DLC1: variants seen among roughly 807,000 people sequenced by gnomAD.
DLC1 encodes the protein DLC1 Rho GTPase activating protein.
A neutral mutation model predicts 140.3 loss-of-function variants in DLC1; 54 were observed. The ratio of observed to expected loss-of-function variants is 0.38; its 90% CI spans 0.31 to 0.48. The LOEUF (loss-of-function observed/expected upper bound fraction) is 0.48. Among genes scored for constraint, DLC1 ranks in the 20% least tolerant of loss-of-function variants. The pLI is 0.96. For missense variants in DLC1, 2,536 were observed against 1,907.0 expected, an observed-to-expected ratio of 1.33 and a Z score of -6.14; for synonymous variants, 986 against 728.1, an observed-to-expected ratio of 1.35 and a Z score of -5.70.
rs183003409 is a variant in DLC1, at chr8:13,587,558, C to A, written c.-126+16979G>T. On this transcript the variant is annotated intron_variant, in intron 1 of 1. Coordinates refer to the DLC1 transcript ENST00000631382. ...AAATGTGACTATACACACACACACA[C>A]ACACACACACAGAGAGAGAGAAAAT... 1.8e-3 allele frequency among the ~76,000 whole-genome samples: 261 copies of A among 146,316 alleles called. 3 individuals carry two copies. The highest frequency in any genetic ancestry group is 6.1e-3 in the African/African-American group (245 of 40,048).
At chr8:13,564,595 T>C (rs181538705) in intron 1 of DLC1, among the ~76,000 whole-genome samples, 9 of 152,346 alleles carry the variant, frequency 5.9e-5, no homozygotes, top group Admixed American at 1.3e-4. Flanking sequence ...GTTTATGATA[T>C]CTGGGGGGAG....
intron 1 of DLC1, among the ~76,000 whole-genome samples, chr8:13,585,859 G>C (rs1805288179): frequency 6.6e-6 from 1 of 152,108 alleles, no homozygotes. Context: ...TAAACATCTT[G>C]TCTCCAAATA....
Position 13,457,162 on chromosome 8 carries a change from C to G in DLC1, c.1023+41887G>C, listed in dbSNP as rs764925841. Among the ~76,000 whole-genome samples the G allele has an allele frequency of 6.6e-4, 101 of 152,164 alleles. 1 individual carries two copies. Among genetic ancestry groups the G allele is most frequent in the Non-Finnish European group, 1.1e-3 (76 of 68,034 alleles). On this transcript the variant is annotated intron_variant, in intron 2 of 17. Coordinates refer to ENST00000276297, the MANE Select transcript of DLC1 (RefSeq NM_182643.3). Reference sequence around the variant, plus strand: ...AGAATATTGCGAACTTTCCCTAAATCTAGCCCTATACCGTGCTCACAATGA... The same window carrying G: ...AGAATATTGCGAACTTTCCCTAAATGTAGCCCTATACCGTGCTCACAATGA...
At chr8:13,408,796 A>T (rs967101015) in intron 2 of DLC1, among the ~76,000 whole-genome samples, 3 of 151,886 alleles carry the variant, frequency 2.0e-5, no homozygotes, top group Non-Finnish European at 4.4e-5. Flanking sequence ...ACTCTTTTTT[A>T]TTTTTATTTT....
At chr8:13,089,068 G>C (rs1563563272) in intron 15 of DLC1, among the ~76,000 whole-genome samples, 2 of 151,912 alleles carry the variant, frequency 1.3e-5, no homozygotes, top group African/African-American at 2.4e-5. Flanking sequence ...AGACCAGCCT[G>C]GCCAACATGG....
chr8:13,286,875 T>C (rs961596453), intron 5 of DLC1, among the ~76,000 whole-genome samples: 1 of 152,146 alleles, frequency 6.6e-6, no homozygotes, highest in Non-Finnish European at 1.5e-5. Flanking sequence ...TGGAACCTCA[T>C]GATGTGTTTG....
intron 1 of DLC1, among the ~76,000 whole-genome samples, chr8:13,541,151 T>A (rs996341583): frequency 2.6e-5 from 4 of 152,230 alleles, no homozygotes; most frequent in African/African-American, 9.6e-5. Flanking sequence ...TTTTTATTGC[T>A]GAGTAGTATT....
intron 5 of DLC1, among the ~76,000 whole-genome samples, chr8:13,195,689 G>C (rs1374094772): frequency 1.3e-5 from 2 of 152,156 alleles, no homozygotes; most frequent in East Asian, 3.9e-4. Context: ...GATCAACTCA[G>C]AAGATTATTT....
intron 5 of DLC1, among the ~76,000 whole-genome samples, chr8:13,169,764 C>G (rs918944162): frequency 3.9e-5 from 6 of 151,980 alleles, no homozygotes; most frequent in Admixed American, 2.6e-4. Context: ...TGGCTCTAGT[C>G]TGTAATCCCA....
At chr8:13,226,075 G>A (rs1828785879) in intron 5 of DLC1, among the ~76,000 whole-genome samples, 1 of 152,030 alleles carries the variant, frequency 6.6e-6, no homozygotes, top group African/African-American at 2.4e-5. Flanking sequence ...GCCACACTTG[G>A]CTACTTTTTT....
intron 2 of DLC1, among the ~76,000 whole-genome samples, chr8:13,446,800 G>A (rs935945184): frequency 7.9e-5 from 12 of 152,152 alleles, no homozygotes; most frequent in African/African-American, 2.9e-4. Flanking sequence ...ACATTAGCCA[G>A]GCGTGGTGGT....
At chr8:13,479,863 A>AGAAGAAGAAGAAGAGAAAAAG (rs1563383641) in intron 2 of DLC1, among the ~76,000 whole-genome samples, 29 of 56,382 alleles carry the variant, frequency 5.1e-4, no homozygotes, top group Non-Finnish European at 8.8e-4. Flanking sequence ...GAAGAAGAGA[A>AGAAGAAGAAGAAGAGAAAAAG]AAAGAAAGAA....
At chr8:13,544,070 T>A (rs964187864) in intron 1 of DLC1, among the ~76,000 whole-genome samples, 1 of 151,928 alleles carries the variant, frequency 6.6e-6, no homozygotes, top group Non-Finnish European at 1.5e-5. Flanking sequence ...ATAAAAATAA[T>A]GGTTTTATTA....
intron 4 of DLC1, 121 bp downstream of exon 4, chr8:13,393,429 TATC>T: frequency 9.0e-7 from 1 of 1,108,072 alleles, no homozygotes. Context: ...ATAAATTAAA[TATC>T]ATTAAGTCAC....
chr8:13,397,914 C>T (rs1322149184), intron 3 of DLC1, among the ~76,000 whole-genome samples: 5 of 151,974 alleles, frequency 3.3e-5, no homozygotes, highest in East Asian at 1.9e-4. Context: ...GAGCAGATCA[C>T]GAGGTGAGGA....
intron 5 of DLC1, among the ~76,000 whole-genome samples, chr8:13,247,674 T>C (rs1829824533): frequency 6.6e-6 from 1 of 152,218 alleles, no homozygotes. Context: ...ATAACCACTA[T>C]GCTTAACTGC....
intron 4 of DLC1, among the ~76,000 whole-genome samples, chr8:13,348,942 C>A (rs1834502864): frequency 6.6e-6 from 1 of 152,198 alleles, no homozygotes; most frequent in South Asian, 2.1e-4. Flanking sequence ...GGAAAGTGCT[C>A]AGAAATTGGA....
intron 2 of DLC1, among the ~76,000 whole-genome samples, chr8:13,453,947 A>C (rs1168103510): frequency 6.6e-6 from 1 of 152,116 alleles, no homozygotes; most frequent in African/African-American, 2.4e-5. Flanking sequence ...ATGAGAATAT[A>C]CTGTGAAACC....
chr8:13,114,072 A>G (rs1820334213), intron 6 of DLC1, among the ~76,000 whole-genome samples: 2 of 152,210 alleles, frequency 1.3e-5, no homozygotes, highest in African/African-American at 4.8e-5. Context: ...ATTTAAATGA[A>G]CTGCCTAGGC....
Sources: allele counts gnomAD v4.1 joint callset (sites outside exome capture counted in the v4.1 genomes callset), GRCh38; gene constraint gnomAD v4.1.1; transcripts MANE v1.5; gene names NCBI Gene and HGNC (gene_info 2026-07-23, HGNC 2026-07-21).